MPZL1: variants seen among roughly 807,000 people sequenced by gnomAD.
The protein encoded by MPZL1 is myelin protein zero like 1.
In MPZL1, 16 loss-of-function variants were observed where a neutral mutation model predicts 29.3. That is an observed-to-expected ratio of 0.55 (90% CI 0.37 to 0.83). The LOEUF (loss-of-function observed/expected upper bound fraction) is 0.83. MPZL1 is among the 40% of genes least tolerant of loss of function. The probability of loss-of-function intolerance (pLI) is 0.00; values close to 1 mark genes in which losing one functional copy is unlikely to be tolerated. For missense variants in MPZL1, 279 were observed against 332.9 expected (o/e 0.84, Z 1.26); for synonymous variants, 143 against 132.0 (o/e 1.08, Z -0.57).
chr1:167,750,068 A>C (rs1178526842), intron 1 of MPZL1, among the ~76,000 whole-genome samples: 1 of 152,236 alleles, frequency 6.6e-6, no homozygotes, highest in African/African-American at 2.4e-5. Context: ...GTTAAATGGA[A>C]TACTGTAGTT....
chr1:167,765,499 T>C, intron 1 of MPZL1, 84 bp from the exon 2 acceptor site: 1 of 1,196,504 alleles, frequency 8.4e-7, no homozygotes, highest in Non-Finnish European at 1.2e-6. Flanking sequence ...GTAACTTTGC[T>C]GTATCTTTTC....
chr1:167,778,907 A>G (rs981695150), intron 5 of MPZL1, among the ~76,000 whole-genome samples: 6 of 152,088 alleles, frequency 3.9e-5, no homozygotes, highest in African/African-American at 1.4e-4. Context: ...AGAAAGACAG[A>G]TGGCGGGGTG....
chr1:167,772,020 GCCC>G (rs1661261669), intron 2 of MPZL1, among the ~76,000 whole-genome samples: 2 of 152,162 alleles, frequency 1.3e-5, no homozygotes, highest in South Asian at 4.1e-4. Context: ...GCAGTCGGCA[GCCC>G]GAGGCAGGAG....
At chr1:167,738,187 G>T (rs942139388) in intron 1 of MPZL1, among the ~76,000 whole-genome samples, 1 of 152,144 alleles carries the variant, frequency 6.6e-6, no homozygotes, top group African/African-American at 2.4e-5. Flanking sequence ...GCCTCCCAAA[G>T]TGCTAGGATT....
At chr1:167,731,729 C>T (rs1243665387) in intron 1 of MPZL1, among the ~76,000 whole-genome samples, 2 of 151,504 alleles carry the variant, frequency 1.3e-5, no homozygotes, top group Non-Finnish European at 1.5e-5. Context: ...TGAGCCACCG[C>T]ACCCAGCCTA....
intron 1 of MPZL1, among the ~76,000 whole-genome samples, chr1:167,731,718 G>A (rs772800026): frequency 1.3e-5 from 2 of 151,482 alleles, no homozygotes; most frequent in Non-Finnish European, 2.9e-5. Flanking sequence ...GATTACAGGC[G>A]TGAGCCACCG....
chr1:167,730,621 A>G (rs1185940933), intron 1 of MPZL1, among the ~76,000 whole-genome samples: 5 of 152,162 alleles, frequency 3.3e-5, no homozygotes, highest in Admixed American at 6.5e-5. Flanking sequence ...CTCTCCCGCT[A>G]TCAAGAGCAC....
intron 1 of MPZL1, among the ~76,000 whole-genome samples, chr1:167,728,362 C>CTTTTTT (rs71097693): frequency 4.5e-4 from 53 of 117,658 alleles, no homozygotes; most frequent in Non-Finnish European, 6.7e-4. Flanking sequence ...TTCTTTCTTT[C>CTTTTTT]TTTTTTTTTT....
chr1:167,737,455 G>T (rs1333390405), intron 1 of MPZL1, among the ~76,000 whole-genome samples: 1 of 152,172 alleles, frequency 6.6e-6, no homozygotes, highest in Non-Finnish European at 1.5e-5. Context: ...TTGAGGGGTG[G>T]TGTTCAATAA....
At chr1:167,784,824 C>T (rs1257100123) in intron 5 of MPZL1, among the ~76,000 whole-genome samples, 3 of 152,210 alleles carry the variant, frequency 2.0e-5, no homozygotes, top group African/African-American at 7.2e-5. Context: ...ATGAGGATAA[C>T]ATCAGGCAGT....
At chr1:167,730,014 C>T (rs1660229796) in intron 1 of MPZL1, among the ~76,000 whole-genome samples, 1 of 152,154 alleles carries the variant, frequency 6.6e-6, no homozygotes, top group South Asian at 2.1e-4. Flanking sequence ...TCTTCAAAGT[C>T]TCTAAACATT....
intron 1 of MPZL1, among the ~76,000 whole-genome samples, chr1:167,743,146 T>A (rs1660569889): frequency 6.6e-6 from 1 of 151,998 alleles, no homozygotes; most frequent in African/African-American, 2.4e-5. Context: ...CTGTGAAAAC[T>A]GATGGTGGTA....
chr1:167,736,533 T>C (rs1208972599), intron 1 of MPZL1, among the ~76,000 whole-genome samples: 5 of 152,184 alleles, frequency 3.3e-5, no homozygotes, highest in African/African-American at 1.2e-4. Flanking sequence ...GCTATTGTTA[T>C]TGCTTGCTGC....
chr1:167,776,131 G>A lies in MPZL1; in HGVS notation c.673G>A (p.Gly225Ser), dbSNP rs1489588634. 5.0e-6 allele frequency: 8 copies of A among 1,612,738 alleles called. No homozygotes were observed. Among genetic ancestry groups the A allele is most frequent in the African/African-American group, 2.7e-5 (2 of 74,936 alleles). ...APRKSPSDTEGLVKSLPSGSH... is the reference protein window; with the variant it reads ...APRKSPSDTESLVKSLPSGSH... ...TCGGAAGTCCCCCTCCGACACTGAGGGTCTTGTAAAGAGTCTGCCTTCTGG... is the reference window on the plus strand; with the variant it reads ...TCGGAAGTCCCCCTCCGACACTGAGAGTCTTGTAAAGAGTCTGCCTTCTGG... The change falls in exon 5 of 6, where the codon GGT becomes AGT. Residue 225 changes from glycine (G) to serine (S), a missense_variant. Coordinates refer to ENST00000359523, the MANE Select transcript of MPZL1 (RefSeq NM_003953.6).
Position 167,765,766 on chromosome 1 carries a change from T to C in MPZL1, c.258+17T>C. The C allele has an allele frequency of 6.3e-7, 1 of 1,577,060 alleles. No individual in the cohort carries two copies. Reference sequence around the variant, plus strand: ...ACTGTGTCGGTAAGAATGCTTGACTTCTCTTGGCTAGTCCTGCCTCACAGG... The same window carrying C: ...ACTGTGTCGGTAAGAATGCTTGACTCCTCTTGGCTAGTCCTGCCTCACAGG... On this transcript the variant is annotated intron_variant, in intron 2 of 5. Coordinates refer to ENST00000359523, the MANE Select transcript of MPZL1 (RefSeq NM_003953.6).
rs1234073974 is a variant in MPZL1 at position 167,788,667 on chromosome 1, G to A, written c.*746G>A. The stretch of plus-strand genomic sequence containing the variant: ...CAGTTGGATCAATACTGATTAAGTA[G>A]AAAATCCAAGCTTTGCTTGAGAACT... On this transcript the variant is annotated 3_prime_UTR_variant, in exon 6 of 6. Coordinates refer to ENST00000359523, the MANE Select transcript of MPZL1 (RefSeq NM_003953.6). 1.3e-5 allele frequency: 2 copies of A among 152,224 alleles called. No individual in the cohort carries two copies. The highest frequency in any genetic ancestry group is 2.4e-5 in the African/African-American group (1 of 41,450). The allele number at this position is 152,224 out of a possible 1,614,324, so 9.4% of individuals were successfully genotyped here.
intron 4 of MPZL1, 48 bp downstream of exon 4, chr1:167,773,416 G>T (rs372747974): frequency 1.3e-6 from 2 of 1,553,926 alleles, no homozygotes; most frequent in African/African-American, 2.8e-5. Context: ...AGGGAATCAG[G>T]GTTTATAGAA....
chr1:167,725,430 A>G (rs1028345630), intron 1 of MPZL1, among the ~76,000 whole-genome samples: 1 of 151,954 alleles, frequency 6.6e-6, no homozygotes, highest in Non-Finnish European at 1.5e-5. Context: ...GACTACAGGC[A>G]TGCACCACCA....
Position 167,747,669 on chromosome 1 carries a change from T to C in MPZL1, c.92-17914T>C, listed in dbSNP as rs1253547188. ...TATCCTGTGTATGGTTCCAGAGATA[T>C]TTTATGGAGATGTGAGCAAATCTAT... On this transcript the variant is annotated intron_variant, in intron 1 of 5. Transcript: ENST00000359523. Among the ~76,000 whole-genome samples, 5 of 152,332 alleles carry C rather than the reference T, an allele frequency of 3.3e-5. No homozygotes were observed. The East Asian group carries it at 9.6e-4, about 29-fold the overall frequency.
Sources: allele counts gnomAD v4.1 joint callset (sites outside exome capture counted in the v4.1 genomes callset), GRCh38; gene constraint gnomAD v4.1.1; transcripts MANE v1.5; gene names NCBI Gene and HGNC (gene_info 2026-07-23, HGNC 2026-07-21).